SCN7A: variants seen among roughly 807,000 people sequenced by gnomAD.
SCN7A encodes sodium voltage-gated channel alpha subunit 7.
In SCN7A, 138 loss-of-function variants were observed where a neutral mutation model predicts 155.2. That is an observed-to-expected ratio of 0.89 (90% CI 0.77 to 1.02). The LOEUF (loss-of-function observed/expected upper bound fraction) is 1.02. Among genes scored for constraint, SCN7A ranks in the 50% least tolerant of loss-of-function variants. The probability of loss-of-function intolerance (pLI) is 0.00; values close to 1 mark genes in which losing one functional copy is unlikely to be tolerated. For missense variants in SCN7A, 2,058 were observed against 1,986.6 expected (o/e 1.04, Z -0.68); for synonymous variants, 693 against 649.0 (o/e 1.07, Z -1.03).
chr2:166,480,036 T>C (rs973973855), intron 2 of SCN7A, among the ~76,000 whole-genome samples: 8 of 152,180 alleles, frequency 5.3e-5, no homozygotes, highest in African/African-American at 1.4e-4. Context: ...TATACAAACA[T>C]GCATATGGTC....
Position 166,405,911 on chromosome 2 carries a change from T to A in SCN7A, c.4718A>T (p.His1573Leu), listed in dbSNP as rs1286593420. ...AAAAGCAAGTAAGATATCGAGGCAA[T>A]GAATTCTGTCCCCAACAGCCATGGG... Reference protein sequence around the residue: ...DLPMAVGDRIHCLDILLAFTK... With the variant: ...DLPMAVGDRILCLDILLAFTK... Residue 1573 changes from histidine (H) to leucine (L), a missense_variant, in exon 26 of 26, where the codon CAT becomes CTT. Transcript: ENST00000643258. 6.2e-7 allele frequency: 1 copy of A among 1,613,120 alleles called. No homozygotes were observed. The highest frequency in any genetic ancestry group is 8.5e-7 in the Non-Finnish European group (1 of 1,179,396).
chr2:166,448,074 T>A (rs2105447187), intron 11 of SCN7A, among the ~76,000 whole-genome samples: 1 of 152,262 alleles, frequency 6.6e-6, no homozygotes, highest in Non-Finnish European at 1.5e-5. Context: ...TTTAACCATA[T>A]TTTTTGTAGC....
chr2:166,471,965 C>CT (rs1193142389), intron 6 of SCN7A, among the ~76,000 whole-genome samples: 2 of 151,800 alleles, frequency 1.3e-5, no homozygotes, highest in Non-Finnish European at 2.9e-5. Flanking sequence ...TCCTTTCATT[C>CT]TTTTTTTATT....
At chr2:166,425,181 G>C (rs1701596255) in intron 18 of SCN7A, among the ~76,000 whole-genome samples, 1 of 152,084 alleles carries the variant, frequency 6.6e-6, no homozygotes, top group Non-Finnish European at 1.5e-5. Context: ...TTATGAAGAG[G>C]CCTACAATAG....
chr2:166,419,041 G>A (rs907674046), intron 20 of SCN7A, among the ~76,000 whole-genome samples: 1 of 152,066 alleles, frequency 6.6e-6, no homozygotes, highest in Non-Finnish European at 1.5e-5. Context: ...AGCATTAAAT[G>A]GTACAGGGCC....
chr2:166,421,963 T>C (rs998289461), intron 19 of SCN7A, among the ~76,000 whole-genome samples: 2 of 152,114 alleles, frequency 1.3e-5, no homozygotes, highest in Admixed American at 6.6e-5. Context: ...AAATTTCTTC[T>C]TTTTACCCTT....
At chr2:166,488,929 C>T (rs577220172) in intron 1 of SCN7A, among the ~76,000 whole-genome samples, 6 of 152,218 alleles carry the variant, frequency 3.9e-5, no homozygotes, top group East Asian at 1.9e-4. Context: ...TGAGCCACTG[C>T]GCCCGACCAA....
At chr2:166,449,425 A>G (rs537532225) in intron 11 of SCN7A, among the ~76,000 whole-genome samples, 1 of 152,250 alleles carries the variant, frequency 6.6e-6, no homozygotes, top group East Asian at 1.9e-4. Flanking sequence ...CTGGTTGGCA[A>G]GTTCTGCTGT....
chr2:166,409,490 A>G (rs1701148915), intron 25 of SCN7A, among the ~76,000 whole-genome samples, 175 bp downstream of exon 25: 3 of 151,984 alleles, frequency 2.0e-5, no homozygotes, highest in Non-Finnish European at 4.4e-5. Flanking sequence ...TACACATATG[A>G]ATACAAATGT....
In SCN7A at chr2:166,421,264, C is replaced by T. The variant is rs1217025942; in HGVS notation, c.3061G>A (p.Glu1021Lys). 5 of 1,533,088 alleles carry T rather than the reference C, an allele frequency of 3.3e-6. No individual in the cohort carries two copies. In the African/African-American group the frequency reaches 4.2e-5, roughly 13 times the overall value. 95.0% of individuals were successfully genotyped at this position (1,533,088 alleles called of 1,614,324 possible). The part of the protein sequence containing the change: ...FCLSLIGKTR[E>K]ELKPLISMKF... ...ATGGAAATAAGAGGTTTTAGTTCTT[C>T]CCGAGTTTTGCCTATTAAGCTAAGA... Residue 1021 changes from glutamate to lysine, a missense_variant, in exon 20 of 26, where the codon GAA becomes AAA. Glu to Lys is a moderately conservative substitution (Grantham distance 56). Transcript: ENST00000643258.
chr2:166,420,994 C>T (rs913905089), intron 20 of SCN7A, among the ~76,000 whole-genome samples, 196 bp downstream of exon 20: 2 of 151,926 alleles, frequency 1.3e-5, no homozygotes, highest in Admixed American at 1.3e-4. Flanking sequence ...GGTTTTTATA[C>T]TTTATGAGGA....
chr2:166,476,256 A>T (rs904941990), intron 3 of SCN7A, among the ~76,000 whole-genome samples: 8 of 151,862 alleles, frequency 5.3e-5, no homozygotes, highest in African/African-American at 1.7e-4. Flanking sequence ...CATGACAAGT[A>T]TTCCAAATAA....
chr2:166,410,650 A>G (rs1331546701), intron 23 of SCN7A, among the ~76,000 whole-genome samples: 1 of 152,016 alleles, frequency 6.6e-6, no homozygotes, highest in Non-Finnish European at 1.5e-5. Flanking sequence ...ATTTACTAAG[A>G]AAGGTTGAGC....
chr2:166,426,249 T>C (rs1480774247), intron 18 of SCN7A, among the ~76,000 whole-genome samples: 2 of 152,076 alleles, frequency 1.3e-5, no homozygotes, highest in Admixed American at 6.6e-5. Context: ...CTAAAATAGG[T>C]TGACTATATT....
chr2:166,437,825 G>C (rs1044674589), intron 15 of SCN7A, among the ~76,000 whole-genome samples: 1 of 152,040 alleles, frequency 6.6e-6, no homozygotes, highest in Non-Finnish European at 1.5e-5. Flanking sequence ...GTTTTTGTCA[G>C]TGTCTCCCAT....
chr2:166,477,578 G>A lies in SCN7A; in HGVS notation c.119C>T (p.Pro40Leu). 1 of 1,586,230 alleles carries A rather than the reference G, an allele frequency of 6.3e-7. No homozygotes were observed. The highest frequency in any genetic ancestry group is 1.8e-5 in the Admixed American group (1 of 55,844). The change falls in exon 3 of 26, where the codon CCA becomes CTA. Residue 40 changes from proline (P) to leucine (L), a missense_variant. By Grantham distance (98) the Pro-to-Leu change is moderately conservative. Coordinates refer to ENST00000643258, the MANE Select transcript of SCN7A (RefSeq NM_002976.4). ...TTTGCCAACTTCCAAATCAGGAGTT[G>A]GCTTTAAGTCTTCTTCTTCATGGTC... ...NEDHEEEDLK[P>L]TPDLEVGKKL...
At chr2:166,475,000 TTGTG>T (rs1343162298) in intron 3 of SCN7A, among the ~76,000 whole-genome samples, 1 of 147,922 alleles carries the variant, frequency 6.8e-6, no homozygotes, top group East Asian at 2.0e-4. Context: ...GTGTACATGC[TTGTG>T]TATGTACATG....
At chr2:166,423,896 T>C (rs544703937) in intron 18 of SCN7A, among the ~76,000 whole-genome samples, 54 of 152,222 alleles carry the variant, frequency 3.5e-4, no homozygotes, top group African/African-American at 1.2e-3. Context: ...GGTAAACCAG[T>C]TGAAATGCTG....
chr2:166,458,325 T>C (rs1048354804), intron 10 of SCN7A, among the ~76,000 whole-genome samples: 4 of 121,210 alleles, frequency 3.3e-5, no homozygotes, highest in African/African-American at 1.3e-4. Context: ...TGACCATGTA[T>C]CAAAAAAAAA....
Sources: gnomAD v4.1 joint callset for allele counts (sites outside exome capture counted in the v4.1 genomes callset) on GRCh38, gnomAD v4.1.1 for gene constraint, MANE v1.5 for transcripts, NCBI Gene and HGNC (gene_info 2026-07-23, HGNC 2026-07-21) for gene names.